SCUBE1: variants seen among roughly 807,000 people sequenced by gnomAD.
SCUBE1 encodes the protein signal peptide, CUB domain and EGF like domain containing 1.
A neutral mutation model predicts 124.4 loss-of-function variants in SCUBE1; 59 were observed. That is an observed-to-expected ratio of 0.47 (90% CI 0.38 to 0.59). SCUBE1 has a LOEUF of 0.59. SCUBE1 is among the 20% of genes least tolerant of loss of function. The pLI is 0.00. For synonymous variants in SCUBE1, 545 were observed against 550.9 expected (o/e 0.99, Z 0.15); for missense variants, 1,150 against 1,371.2 (o/e 0.84, Z 2.55).
chr22:43,279,914 C>T (rs1924695911), intron 4 of SCUBE1, among the ~76,000 whole-genome samples: 1 of 152,194 alleles, frequency 6.6e-6, no homozygotes, highest in African/African-American at 2.4e-5. Flanking sequence ...TGTCCCCAGT[C>T]CCCTAGGGAG....
intron 11 of SCUBE1, 102 bp from the exon 12 acceptor site, chr22:43,222,844 G>A (rs1922153539): frequency 1.9e-6 from 2 of 1,044,162 alleles, no homozygotes; most frequent in Admixed American, 2.3e-5. Context: ...ACGAAGATCA[G>A]GACAGATTCT....
rs73886530 is a variant in SCUBE1 at position 43,250,535 on chromosome 22, G to C, written c.727+7684C>G. Among the ~76,000 whole-genome samples the C allele has an allele frequency of 3.3e-3, 498 of 152,368 alleles. 6 individuals are homozygous for C. Among genetic ancestry groups the C allele is most frequent in the African/African-American group, 0.012 (486 of 41,584 alleles). On this transcript the variant is annotated intron_variant, in intron 6 of 21. Coordinates refer to ENST00000360835, the MANE Select transcript of SCUBE1 (RefSeq NM_173050.5). The stretch of plus-strand genomic sequence containing the variant: ...CAGATCCAGAGAGGAGGCAGAGAAG[G>C]TTGGGCCTATATCGGACAAGGTGGA...
intron 3 of SCUBE1, among the ~76,000 whole-genome samples, chr22:43,314,450 C>A (rs1601883642): frequency 1.3e-5 from 2 of 152,170 alleles, no homozygotes; most frequent in Non-Finnish European, 2.9e-5. Flanking sequence ...TTTGGGGGTC[C>A]CTGTTCTGCC....
chr22:43,208,983 G>A (rs555596901), intron 19 of SCUBE1, among the ~76,000 whole-genome samples: 1 of 152,234 alleles, frequency 6.6e-6, no homozygotes, highest in South Asian at 2.1e-4. Flanking sequence ...GGCTTGTGGT[G>A]GGGGACAGAA....
intron 10 of SCUBE1, among the ~76,000 whole-genome samples, chr22:43,223,601 C>T (rs927295512): frequency 6.6e-6 from 1 of 152,216 alleles, no homozygotes; most frequent in Non-Finnish European, 1.5e-5. Flanking sequence ...CTCGGAAGCA[C>T]CTCTTTGGGG....
intron 10 of SCUBE1, among the ~76,000 whole-genome samples, chr22:43,226,735 C>T (rs533736056): frequency 6.6e-6 from 1 of 151,810 alleles, no homozygotes; most frequent in Non-Finnish European, 1.5e-5. Flanking sequence ...GGGGCAAGGA[C>T]CCGGCGTGGA....
intron 6 of SCUBE1, among the ~76,000 whole-genome samples, chr22:43,252,100 T>C (rs1303089465): frequency 6.6e-6 from 1 of 152,250 alleles, no homozygotes; most frequent in African/African-American, 2.4e-5. Context: ...CTGGGGCCTC[T>C]TTAAAGTAAA....
At chr22:43,229,792 A>C (rs1429814351) in intron 8 of SCUBE1, among the ~76,000 whole-genome samples, 1 of 152,178 alleles carries the variant, frequency 6.6e-6, no homozygotes, top group Non-Finnish European at 1.5e-5. Context: ...GAAAGAGGGA[A>C]GGTCATGGGG....
At chr22:43,300,230 T>A (rs1365116795) in intron 3 of SCUBE1, among the ~76,000 whole-genome samples, 2 of 152,084 alleles carry the variant, frequency 1.3e-5, no homozygotes, top group African/African-American at 4.8e-5. Context: ...GTTTTACATT[T>A]CCAACCAGCA....
intron 3 of SCUBE1, among the ~76,000 whole-genome samples, chr22:43,308,076 C>A (rs1256564214): frequency 6.4e-5 from 3 of 46,544 alleles, no homozygotes; most frequent in Non-Finnish European, 1.7e-4. Context: ...AAGGTCTGAA[C>A]CAGTCTGCCT....
intron 3 of SCUBE1, among the ~76,000 whole-genome samples, chr22:43,307,028 C>T (rs569856158): frequency 1.3e-5 from 2 of 152,356 alleles, no homozygotes; most frequent in South Asian, 2.1e-4. Flanking sequence ...CATTCTACCC[C>T]GTTACCCTGC....
chr22:43,198,609 G>A lies in SCUBE1; in HGVS notation c.*5388C>T, dbSNP rs374571595. 3 of 456,708 alleles carry A rather than the reference G, an allele frequency of 6.6e-6. No homozygotes were observed. The highest frequency in any genetic ancestry group is 4.6e-5 in the South Asian group (3 of 64,572). The allele number at this position is 456,708 out of a possible 1,614,324, so 28.3% of individuals were successfully genotyped here. A position where few individuals can be genotyped will look rare whatever the true frequency, so the allele number is the denominator to read the frequency against. ...CTCTGCCCTTGGCCTGAATGATGTC[G>A]GCTCGGCATGGACACCTTGTGCATC... On this transcript the variant is annotated 3_prime_UTR_variant, in exon 22 of 22. Coordinates refer to ENST00000360835, the MANE Select transcript of SCUBE1 (RefSeq NM_173050.5).
chr22:43,205,762 C>T (rs1921221349), intron 21 of SCUBE1, among the ~76,000 whole-genome samples: 1 of 101,686 alleles, frequency 9.8e-6, no homozygotes, highest in Admixed American at 8.6e-5. Flanking sequence ...CTCACCCACA[C>T]ACACACCACC....
At chr22:43,309,238 AGGTACTAT>A (rs773154122) in intron 3 of SCUBE1, among the ~76,000 whole-genome samples, 1 of 152,218 alleles carries the variant, frequency 6.6e-6, no homozygotes, top group Non-Finnish European at 1.5e-5. Flanking sequence ...GCCCTGTGCT[AGGTACTAT>A]GGTATGTGTT....
intron 3 of SCUBE1, among the ~76,000 whole-genome samples, chr22:43,303,629 C>T (rs1202788503): frequency 1.3e-5 from 2 of 152,376 alleles, no homozygotes; most frequent in African/African-American, 4.8e-5. Flanking sequence ...TCGCAGGCCT[C>T]CCCACAGCCA....
intron 4 of SCUBE1, among the ~76,000 whole-genome samples, chr22:43,274,960 G>T (rs1924443468): frequency 6.6e-6 from 1 of 152,198 alleles, no homozygotes. Flanking sequence ...CAGCCACTTT[G>T]GGGACATAAG....
intron 7 of SCUBE1, among the ~76,000 whole-genome samples, chr22:43,235,596 G>A (rs1332763592): frequency 6.6e-6 from 1 of 152,198 alleles, no homozygotes; most frequent in Admixed American, 6.5e-5. Flanking sequence ...GATTGTTCTG[G>A]AGATGCTGGG....
chr22:43,310,516 G>A (rs1465714181), intron 3 of SCUBE1, among the ~76,000 whole-genome samples: 1 of 152,192 alleles, frequency 6.6e-6, no homozygotes, highest in Non-Finnish European at 1.5e-5. Flanking sequence ...GAGCAAAGAT[G>A]CTTCCAGATG....
At chr22:43,322,283 T>A (rs985135098) in intron 2 of SCUBE1, among the ~76,000 whole-genome samples, 1 of 152,164 alleles carries the variant, frequency 6.6e-6, no homozygotes, top group Non-Finnish European at 1.5e-5. Context: ...TCGTCCGGCA[T>A]AGATTTTAAA....
Sources: gnomAD v4.1 joint callset for allele counts (sites outside exome capture counted in the v4.1 genomes callset) on GRCh38, gnomAD v4.1.1 for gene constraint, MANE v1.5 for transcripts, NCBI Gene and HGNC (gene_info 2026-07-23, HGNC 2026-07-21) for gene names.